The following PACRG variants were observed in gnomAD, a reference collection of about 807,000 sequenced individuals.
The protein encoded by PACRG is parkin coregulated, also known as parkin coregulated gene protein.
In PACRG, 29 loss-of-function variants were observed where a neutral mutation model predicts 29.7. The ratio of observed to expected loss-of-function variants is 0.98; its 90% CI spans 0.73 to 1.33. PACRG has a LOEUF of 1.33. PACRG is among the 40% of genes most tolerant of loss of function. The pLI, the probability that PACRG is intolerant of heterozygous loss-of-function variation, is 0.00. For missense variants in PACRG, 279 were observed against 316.2 expected (o/e 0.88, Z 0.89); for synonymous variants, 116 against 118.7 (o/e 0.98, Z 0.15).
At chr6:163,277,799 A>T (rs1208314263) in intron 4 of PACRG, among the ~76,000 whole-genome samples, 4 of 151,784 alleles carry the variant, frequency 2.6e-5, no homozygotes, top group Non-Finnish European at 4.4e-5. Flanking sequence ...ATAAGCATGC[A>T]TGTACAAGTA....
chr6:163,183,700 C>T (rs1019302366), intron 4 of PACRG: 1 of 152,138 alleles, frequency 6.6e-6, no homozygotes, highest in Non-Finnish European at 1.5e-5. Flanking sequence ...GTAGGCTTGA[C>T]TAAAGAATTG....
intron 2 of PACRG, among the ~76,000 whole-genome samples, chr6:163,059,213 T>C (rs1041573000): frequency 6.6e-5 from 10 of 152,204 alleles, no homozygotes; most frequent in Non-Finnish European, 1.5e-4. Context: ...TCAATCTCTC[T>C]CACTCGCTCA....
At chr6:163,308,802 G>A (rs890149535) in intron 4 of PACRG, among the ~76,000 whole-genome samples, 2 of 152,108 alleles carry the variant, frequency 1.3e-5, no homozygotes, top group Admixed American at 6.6e-5. Context: ...GAGCCAGGCC[G>A]CCAGGGCTCG....
intron 2 of PACRG, among the ~76,000 whole-genome samples, chr6:162,900,579 G>T (rs1366245584): frequency 6.6e-6 from 1 of 152,076 alleles, no homozygotes; most frequent in African/African-American, 2.4e-5. Context: ...CTCTTTCTCT[G>T]CATTTCCTCT....
rs539129854 is a variant in PACRG at position 163,033,933 on chromosome 6, A to C, written c.292-28217A>C. ...ATCCCTAGGGACCCCTCATTGTGAC[A>C]GAACAATAAAGAAAGACACATAAAG... On this transcript the variant is annotated intron_variant, in intron 2 of 4. Coordinates refer to ENST00000366888, the MANE Select transcript of PACRG (RefSeq NM_001080379.2). Among the ~76,000 whole-genome samples, 5 of 152,360 alleles carry C rather than the reference A, an allele frequency of 3.3e-5. No individual in the cohort carries two copies. In the East Asian group the frequency reaches 9.6e-4, roughly 29 times the overall value.
At chr6:163,301,732 T>C (rs4709698) in intron 4 of PACRG, among the ~76,000 whole-genome samples, 83,636 of 152,136 alleles carry the variant, frequency 0.55, 24,309 homozygotes, top group African/African-American at 0.75. Flanking sequence ...TCTACTCTTA[T>C]CTGGGAGCTA....
intron 4 of PACRG, among the ~76,000 whole-genome samples, chr6:163,139,107 T>A (rs1485525349): frequency 6.6e-6 from 1 of 152,248 alleles, no homozygotes; most frequent in Non-Finnish European, 1.5e-5. Context: ...AAGCTCAACA[T>A]CAGCTTCACT....
At chr6:162,967,403 T>C (rs1327973316) in intron 2 of PACRG, among the ~76,000 whole-genome samples, 2 of 152,240 alleles carry the variant, frequency 1.3e-5, no homozygotes, top group Non-Finnish European at 2.9e-5. Flanking sequence ...TAAGGTTTAG[T>C]GTAATAGATA....
intron 4 of PACRG, among the ~76,000 whole-genome samples, chr6:163,130,312 A>G (rs1387307013): frequency 6.6e-6 from 1 of 151,346 alleles, no homozygotes; most frequent in East Asian, 1.9e-4. Flanking sequence ...TGTCCGGAGA[A>G]CCCTCCTTTC....
intron 2 of PACRG, among the ~76,000 whole-genome samples, chr6:162,844,226 A>C (rs1790116301): frequency 6.6e-6 from 1 of 151,730 alleles, no homozygotes; most frequent in South Asian, 2.1e-4. Flanking sequence ...TTGATCTCAG[A>C]CTGCTGTGCT....
chr6:163,179,408 A>C (rs935810357), intron 4 of PACRG: 5 of 294,446 alleles, frequency 1.7e-5, no homozygotes, highest in African/African-American at 6.7e-5. Context: ...AAAAAAAAAA[A>C]AAAACTTCTG....
intron 1 of PACRG, among the ~76,000 whole-genome samples, chr6:162,786,922 A>T (rs1258675428): frequency 6.6e-6 from 1 of 152,204 alleles, no homozygotes; most frequent in African/African-American, 2.4e-5. Flanking sequence ...AATGCAAAGT[A>T]AATCTAATAT....
intron 1 of PACRG, among the ~76,000 whole-genome samples, chr6:162,745,955 G>T (rs1024453689): frequency 6.6e-6 from 1 of 152,180 alleles, no homozygotes; most frequent in South Asian, 2.1e-4. Flanking sequence ...TAATAATTAT[G>T]TTGTATAAAT....
intron 4 of PACRG, among the ~76,000 whole-genome samples, chr6:163,161,825 G>C (rs1778568487): frequency 6.6e-6 from 1 of 152,184 alleles, no homozygotes; most frequent in Admixed American, 6.5e-5. Context: ...ATTACTAAAA[G>C]CTGAGTGGAC....
At chr6:162,892,957 TCAGCCTCAAGAGCCTCGGCCCACAC>T (rs1794884634) in intron 2 of PACRG, among the ~76,000 whole-genome samples, 4 of 147,326 alleles carry the variant, frequency 2.7e-5, no homozygotes, top group Admixed American at 6.7e-5. Flanking sequence ...AAGAACCACC[TCAGCCTCAAGAGCCTCGGCCCACAC>T]CCCGGAGAAG....
At chr6:162,929,261 C>T (rs1797673621) in intron 2 of PACRG, among the ~76,000 whole-genome samples, 1 of 151,946 alleles carries the variant, frequency 6.6e-6, no homozygotes, top group Non-Finnish European at 1.5e-5. Flanking sequence ...CCGTTCTTGA[C>T]ATTCCCACCG....
At chr6:163,289,442 C>T (rs1177401554) in intron 4 of PACRG, among the ~76,000 whole-genome samples, 1 of 152,064 alleles carries the variant, frequency 6.6e-6, no homozygotes, top group Non-Finnish European at 1.5e-5. Context: ...TTGTAAATAA[C>T]TTCATTCTTT....
chr6:162,944,946 G>C (rs1049814590), intron 2 of PACRG, among the ~76,000 whole-genome samples: 1 of 152,036 alleles, frequency 6.6e-6, no homozygotes, highest in Admixed American at 6.5e-5. Context: ...AACCTCCCAA[G>C]TTTAGAAAGA....
At chr6:162,983,819 G>A (rs1373587524) in intron 2 of PACRG, among the ~76,000 whole-genome samples, 1 of 151,922 alleles carries the variant, frequency 6.6e-6, no homozygotes, top group Non-Finnish European at 1.5e-5. Flanking sequence ...TTTTTCAGCT[G>A]TTCTTTGAAC....
Sources: gnomAD v4.1 joint callset for allele counts (sites outside exome capture counted in the v4.1 genomes callset) on GRCh38, gnomAD v4.1.1 for gene constraint, MANE v1.5 for transcripts, NCBI Gene and HGNC (gene_info 2026-07-23, HGNC 2026-07-21) for gene names.